Variants in NLE1 observed in about 807,000 individuals in gnomAD.
The protein encoded by NLE1 is notchless homolog 1.
In NLE1, 37 loss-of-function variants were observed where a neutral mutation model predicts 62.8. That is an observed-to-expected ratio of 0.59 (90% CI 0.45 to 0.78). The LOEUF is 0.78. Ranked by LOEUF, NLE1 falls within the 30% of genes least tolerant of loss-of-function variation. The pLI is 0.00. For synonymous variants in NLE1, 243 were observed against 253.0 expected (o/e 0.96, Z 0.37); for missense variants, 555 against 637.9 (o/e 0.87, Z 1.40).
chr17:35,135,865 C>T (rs1006187906), intron 9 of NLE1, among the ~76,000 whole-genome samples: 2 of 149,850 alleles, frequency 1.3e-5, no homozygotes, highest in African/African-American at 5.0e-5. Flanking sequence ...GGAGACTCCG[C>T]GATCTACCTT....
intron 7 of NLE1, 138 bp from the exon 8 acceptor site, chr17:35,136,635 TCA>T: frequency 4.6e-6 from 5 of 1,085,614 alleles, no homozygotes; most frequent in Non-Finnish European, 5.2e-6. Context: ...CCCTCTGGGG[TCA>T]AGTCTCTCCC....
chr17:35,142,298 A>G lies in NLE1; in HGVS notation c.-23T>C, dbSNP rs760547273. The G allele has an allele frequency of 4.6e-6, 7 of 1,536,176 alleles. No homozygotes were observed. In the South Asian group the frequency reaches 7.2e-5, roughly 16 times the overall value. ...CATCCTGCGTCCCCACGTGGAGGAG[A>G]AAGAGCCCGGCAGACAGAGCGCCGT... On this transcript the variant is annotated 5_prime_UTR_variant, in exon 1 of 13. Coordinates refer to ENST00000442241, the MANE Select transcript of NLE1 (RefSeq NM_018096.5).
intron 4 of NLE1, 74 bp from the exon 5 acceptor site, chr17:35,137,964 G>A: frequency 9.4e-7 from 1 of 1,064,740 alleles, no homozygotes; most frequent in African/African-American, 1.6e-5. Flanking sequence ...TGCCTGTCAG[G>A]TGCCAGGTAC....
At chr17:35,137,714 T>TGG in intron 5 of NLE1, 74 bp from the exon 6 acceptor site, 4 of 1,212,334 alleles carry the variant, frequency 3.3e-6, no homozygotes, top group Non-Finnish European at 3.6e-6. Context: ...GCCTACCACT[T>TGG]CCCACCCAAC....
At position 35,130,223 on chromosome 17, in the gene NLE1, G is replaced by A. The variant is rs1027154019; in HGVS notation, c.*2214C>T. On this transcript the variant is annotated 3_prime_UTR_variant, in exon 13 of 13. Coordinates refer to ENST00000442241, the MANE Select transcript of NLE1 (RefSeq NM_018096.5). ...AAAAAAAAGGGGTGATAGAGACAGA[G>A]AGAGAGCCAGGTTCAGATCTGGGAA... 6.3e-7 allele frequency: 1 copy of A among 1,585,460 alleles called. No homozygotes were observed. Among genetic ancestry groups the A allele is most frequent in the African/African-American group, 1.4e-5 (1 of 73,836 alleles).
chr17:35,133,072 C>T (rs752169907), intron 12 of NLE1, 99 bp downstream of exon 12: 11 of 1,173,136 alleles, frequency 9.4e-6, no homozygotes, highest in African/African-American at 1.5e-5. Flanking sequence ...AGCACCTGGA[C>T]GGCCCTGCGG....
In NLE1 at chr17:35,136,332, C is replaced by T. The variant is rs78567830; in HGVS notation, c.964+30G>A. 5.6e-6 allele frequency: 9 copies of T among 1,608,952 alleles called. No homozygotes were observed. The Middle Eastern group carries it at 6.6e-4, about 118-fold the overall frequency. ...TGAGAACTGGCTCCTTCCCAATCAG[C>T]CCCCGCTCTTCCTTCTCCCAATCAC... On this transcript the variant is annotated intron_variant, in intron 8 of 12. Coordinates refer to ENST00000442241, the MANE Select transcript of NLE1 (RefSeq NM_018096.5).
In NLE1 at chr17:35,137,545, A is replaced by C; in HGVS notation, c.633T>G (p.His211Gln). 1 of 1,607,672 alleles carries C rather than the reference A, an allele frequency of 6.2e-7. No individual in the cohort carries two copies. Among genetic ancestry groups the C allele is most frequent in the South Asian group, 1.1e-5 (1 of 90,808 alleles). ...WITGLSWEPL[H>Q]ANPECRYVAS... Reference sequence around the variant, plus strand: ...CCAGCTCCGTCAGTGTCACTTACGCATGGAGGGGCTCCCAGCTCAGGCCTG... The same window carrying C: ...CCAGCTCCGTCAGTGTCACTTACGCCTGGAGGGGCTCCCAGCTCAGGCCTG... The change falls in exon 6 of 13, where the codon CAT becomes CAG. Residue 211 changes from histidine (H) to glutamine (Q), a missense_variant and splice_region_variant. Coordinates refer to ENST00000442241, the MANE Select transcript of NLE1 (RefSeq NM_018096.5).
chr17:35,137,691 C>A, intron 5 of NLE1, 51 bp from the exon 6 acceptor site: 1 of 1,542,986 alleles, frequency 6.5e-7, no homozygotes, highest in Non-Finnish European at 8.9e-7. Flanking sequence ...TCTCTGGCTC[C>A]ACCAAAATCC....
intron 2 of NLE1, among the ~76,000 whole-genome samples, chr17:35,141,336 AAGAGATCG>A (rs976149287): frequency 9.9e-5 from 15 of 152,168 alleles, no homozygotes; most frequent in African/African-American, 3.6e-4. Context: ...TCACGAGGTC[AAGAGATCG>A]AGACCATCCT....
intron 10 of NLE1, 128 bp from the exon 11 acceptor site, chr17:35,133,626 T>C (rs961150266): frequency 4.7e-6 from 4 of 844,202 alleles, no homozygotes; most frequent in Admixed American, 2.5e-5. Flanking sequence ...TGGGAACCTT[T>C]ACAAAATCAC....
chr17:35,130,262 G>A lies in NLE1; in HGVS notation c.*2175C>T, dbSNP rs373413395. ...CAGATCTGGGAAGGAACTCTGAAGG[G>A]TTTTCTTGTTTCACTTCAGTTTGCA... On this transcript the variant is annotated 3_prime_UTR_variant, in exon 13 of 13. Transcript: ENST00000442241. 2 of 1,612,186 alleles carry A rather than the reference G, an allele frequency of 1.2e-6. No homozygotes were observed. Among genetic ancestry groups the A allele is most frequent in the African/African-American group, 2.7e-5 (2 of 74,822 alleles).
rs1202910196 is a variant in NLE1, at chr17:35,136,190, C to T, written c.990G>A (p.Leu330=). ...TCACCCGCACGAGGTTGTATCGGCT[C>T]AGAGCCCTCTCCTTCAACTCCTGCA... The part of the protein sequence containing the change: ...GSLQELKERA[L]SRYNLVRGQG... Residue 330 remains leucine (L), a synonymous_variant, in exon 9 of 13, where the codon CTG becomes CTA. Coordinates refer to ENST00000442241, the MANE Select transcript of NLE1 (RefSeq NM_018096.5). The T allele has an allele frequency of 6.2e-7, 1 of 1,614,064 alleles. No individual in the cohort carries two copies. Among genetic ancestry groups the T allele is most frequent in the Non-Finnish European group, 8.5e-7 (1 of 1,180,026 alleles).
chr17:35,137,241 T>C (rs377605042), intron 6 of NLE1, 48 bp from the exon 7 acceptor site: 34 of 1,515,302 alleles, frequency 2.2e-5, no homozygotes, highest in Non-Finnish European at 3.1e-5. Context: ...GCAACATCTG[T>C]GTGCCCATGG....
At chr17:35,137,458 C>T (rs948183496) in intron 6 of NLE1, 85 bp downstream of exon 6, 12 of 1,164,728 alleles carry the variant, frequency 1.0e-5, no homozygotes, top group Admixed American at 4.0e-5. Context: ...TGTCCCCTCA[C>T]GTAAAACTTC....
Position 35,130,310 on chromosome 17 carries a change from G to A in NLE1, c.*2127C>T. 10 of 1,614,044 alleles carry A rather than the reference G, an allele frequency of 6.2e-6. No individual in the cohort carries two copies. Among genetic ancestry groups the A allele is most frequent in the Non-Finnish European group, 7.6e-6 (9 of 1,179,962 alleles). On this transcript the variant is annotated 3_prime_UTR_variant, in exon 13 of 13. Coordinates refer to ENST00000442241, the MANE Select transcript of NLE1 (RefSeq NM_018096.5). ...GCAACCCTGGCCACTGACTTCAGCAGCTTTCCTGAGAACTACCCCATCCAG... is the reference window on the plus strand; with the variant it reads ...GCAACCCTGGCCACTGACTTCAGCAACTTTCCTGAGAACTACCCCATCCAG...
At chr17:35,137,714 T>TACCAC in intron 5 of NLE1, 74 bp from the exon 6 acceptor site, 1 of 1,212,386 alleles carries the variant, frequency 8.2e-7, no homozygotes, top group Non-Finnish European at 1.2e-6. Context: ...GCCTACCACT[T>TACCAC]CCCACCCAAC....
chr17:35,141,866 G>C, intron 2 of NLE1, 113 bp downstream of exon 2: 1 of 1,251,416 alleles, frequency 8.0e-7, no homozygotes, highest in South Asian at 1.4e-5. Flanking sequence ...CGCCAGGTGG[G>C]TCACCACAGT....
chr17:35,129,471 T>C lies in NLE1; in HGVS notation c.*2966A>G, dbSNP rs2091863177. On this transcript the variant is annotated 3_prime_UTR_variant, in exon 13 of 13. Transcript: ENST00000442241. Reference sequence around the variant, plus strand: ...AAGCAGCCGGTCAGTTTCTACCAGCTCCTGTTACAGGAGGTGGCCAAGACA... The same window carrying C: ...AAGCAGCCGGTCAGTTTCTACCAGCCCCTGTTACAGGAGGTGGCCAAGACA... 1.2e-6 allele frequency: 2 copies of C among 1,614,138 alleles called. No individual in the cohort carries two copies. Among genetic ancestry groups the C allele is most frequent in the Non-Finnish European group, 1.7e-6 (2 of 1,180,020 alleles).
Sources: gnomAD v4.1 joint callset for allele counts (sites outside exome capture counted in the v4.1 genomes callset) on GRCh38, gnomAD v4.1.1 for gene constraint, MANE v1.5 for transcripts, NCBI Gene and HGNC (gene_info 2026-07-23, HGNC 2026-07-21) for gene names.